The following CUX1 variants were observed in gnomAD, a reference collection of about 807,000 sequenced individuals.
The protein encoded by CUX1 is cut like homeobox 1.
In CUX1, 31 loss-of-function variants were observed where a neutral mutation model predicts 158.8. That is an observed-to-expected ratio of 0.20 (90% CI 0.15 to 0.26). The LOEUF is 0.26. Ranked by LOEUF, CUX1 falls within the 10% of genes least tolerant of loss-of-function variation. CUX1 has a pLI of 1.00. For synonymous variants in CUX1, 879 were observed against 862.1 expected (o/e 1.02, Z -0.34); for missense variants, 1,589 against 2,014.6 (o/e 0.79, Z 4.04).
intron 22 of CUX1, chr7:102,282,866 A>T: frequency 1.4e-6 from 1 of 713,300 alleles, no homozygotes; most frequent in East Asian, 5.4e-5. Flanking sequence ...CATGTCCCCC[A>T]CTCCTTAGCC....
At chr7:102,189,702 G>A in intron 11 of CUX1, 111 bp from the exon 12 acceptor site, 1 of 1,156,728 alleles carries the variant, frequency 8.6e-7, no homozygotes, top group Non-Finnish European at 1.3e-6. Flanking sequence ...ATTCGCAAGG[G>A]CTGGCTTCCC....
chr7:102,222,811 CTTTTTT>C (rs71123016), intron 20 of CUX1, among the ~76,000 whole-genome samples: 475 of 25,498 alleles, frequency 0.019, 13 homozygotes, highest in African/African-American at 0.073. Flanking sequence ...GGCACCGTAT[CTTTTTT>C]TTTTTTTTTT....
At chr7:102,094,760 A>G (rs186826460) in intron 4 of CUX1, among the ~76,000 whole-genome samples, 34 of 152,276 alleles carry the variant, frequency 2.2e-4, no homozygotes, top group Non-Finnish European at 4.3e-4. Flanking sequence ...CCTGACCTCT[A>G]TGTCAAGTTT....
At chr7:102,050,795 C>T (rs1476376143) in intron 3 of CUX1, among the ~76,000 whole-genome samples, 3 of 151,898 alleles carry the variant, frequency 2.0e-5, no homozygotes, top group Non-Finnish European at 2.9e-5. Flanking sequence ...CTCAAATTCC[C>T]GGGCTCAAGT....
At chr7:102,077,036 T>TA (rs34277145) in intron 4 of CUX1, among the ~76,000 whole-genome samples, 18,645 of 127,704 alleles carry the variant, frequency 0.15, 1,402 homozygotes, top group Non-Finnish European at 0.19. Context: ...CCTGTCAAAT[T>TA]AAAAAAAAAA....
intron 3 of CUX1, among the ~76,000 whole-genome samples, chr7:102,057,260 T>A (rs1824277836): frequency 6.6e-6 from 1 of 152,220 alleles, no homozygotes; most frequent in Non-Finnish European, 1.5e-5. Context: ...ACAAGAGCTC[T>A]GGTGGAGATG....
chr7:102,224,738 A>G (rs542152411), intron 20 of CUX1, among the ~76,000 whole-genome samples: 17 of 152,300 alleles, frequency 1.1e-4, no homozygotes, highest in African/African-American at 4.1e-4. Context: ...ACTGGAAGAA[A>G]GAACTGTACA....
chr7:101,865,435 TC>T (rs1421254811), intron 1 of CUX1, among the ~76,000 whole-genome samples: 2 of 152,232 alleles, frequency 1.3e-5, no homozygotes. Flanking sequence ...TTCATTTCTT[TC>T]AGCTGAAATT....
chr7:102,040,265 C>T (rs1268712364), intron 3 of CUX1, among the ~76,000 whole-genome samples: 3 of 152,116 alleles, frequency 2.0e-5, no homozygotes, highest in Non-Finnish European at 4.4e-5. Flanking sequence ...TCCAGGGAGG[C>T]CTCTCCAGGG....
At chr7:101,855,950 C>A (rs1428039612) in intron 1 of CUX1, among the ~76,000 whole-genome samples, 2 of 149,948 alleles carry the variant, frequency 1.3e-5, no homozygotes, top group African/African-American at 4.9e-5. Context: ...GAGGCTGAGG[C>A]GGGAGGATCA....
chr7:102,127,239 C>A (rs1164307332), intron 8 of CUX1, among the ~76,000 whole-genome samples: 1 of 152,186 alleles, frequency 6.6e-6, no homozygotes, highest in Admixed American at 6.5e-5. Flanking sequence ...TAGGGTCTCA[C>A]CCTGTCACCC....
intron 10 of CUX1, among the ~76,000 whole-genome samples, chr7:102,174,184 A>G (rs193042998): frequency 1.4e-4 from 21 of 152,162 alleles, no homozygotes; most frequent in African/African-American, 4.1e-4. Flanking sequence ...CAGTGGCGCA[A>G]TCTGGGCTCA....
intron 1 of CUX1, among the ~76,000 whole-genome samples, chr7:101,861,796 A>C (rs1226518141): frequency 6.8e-6 from 1 of 147,324 alleles, no homozygotes; most frequent in Admixed American, 6.8e-5. Flanking sequence ...ACGGAGCCTC[A>C]CTCTGTGGCC....
At chr7:101,964,138 G>T (rs1287629062) in intron 2 of CUX1, among the ~76,000 whole-genome samples, 2 of 152,072 alleles carry the variant, frequency 1.3e-5, no homozygotes, top group Non-Finnish European at 2.9e-5. Flanking sequence ...GATCACCTGA[G>T]GTTAGGAGTT....
chr7:102,084,837 G>A (rs2130783649), intron 4 of CUX1, among the ~76,000 whole-genome samples: 1 of 136,512 alleles, frequency 7.3e-6, no homozygotes, highest in South Asian at 2.3e-4. Context: ...GATCTATAAT[G>A]CTGTATATTT....
chr7:102,007,819 A>C (rs555926642), intron 2 of CUX1, among the ~76,000 whole-genome samples: 1 of 151,020 alleles, frequency 6.6e-6, no homozygotes, highest in African/African-American at 2.4e-5. Flanking sequence ...ATCTCGGCTC[A>C]CTGCAACCTC....
At chr7:101,922,371 T>C (rs1805057670) in intron 2 of CUX1, among the ~76,000 whole-genome samples, 2 of 152,240 alleles carry the variant, frequency 1.3e-5, no homozygotes, top group African/African-American at 4.8e-5. Flanking sequence ...TAAAGTTCTC[T>C]GGATAAGCCA....
chr7:101,818,513 C>T (rs888403833), intron 1 of CUX1, among the ~76,000 whole-genome samples: 1 of 152,188 alleles, frequency 6.6e-6, no homozygotes, highest in Non-Finnish European at 1.5e-5. Context: ...TTAGCTACTT[C>T]TTCAGGGGAT....
At chr7:101,842,519 C>T (rs1054906908) in intron 1 of CUX1, among the ~76,000 whole-genome samples, 4 of 152,064 alleles carry the variant, frequency 2.6e-5, no homozygotes, top group Non-Finnish European at 5.9e-5. Context: ...TCCCAAGAAG[C>T]GAGAATTACA....
Sources: gnomAD v4.1 joint callset for allele counts (sites outside exome capture counted in the v4.1 genomes callset) on GRCh38, gnomAD v4.1.1 for gene constraint, MANE v1.5 for transcripts, NCBI Gene and HGNC (gene_info 2026-07-23, HGNC 2026-07-21) for gene names.